Variants in ERC2 observed in about 807,000 individuals in gnomAD.
ERC2 encodes ELKS/RAB6-interacting/CAST family member 2.
ERC2 carries 42 observed loss-of-function variants against 114.8 expected under a neutral mutation model. That is an observed-to-expected ratio of 0.37 (90% confidence interval 0.29 to 0.47). The LOEUF (loss-of-function observed/expected upper bound fraction) is 0.47, where lower values mean the gene tolerates loss of function less well. Ranked by LOEUF, ERC2 falls within the 20% of genes least tolerant of loss-of-function variation. ERC2 has a pLI of 0.99. For synonymous variants in ERC2, 454 were observed against 425.5 expected, an observed-to-expected ratio of 1.07 and a Z score of -0.82; for missense variants, 939 against 1,150.7, an observed-to-expected ratio of 0.82 and a Z score of 2.66.
chr3:56,442,700 T>A (rs1054382866), intron 1 of ERC2, among the ~76,000 whole-genome samples: 2 of 152,200 alleles, frequency 1.3e-5, no homozygotes, highest in African/African-American at 4.8e-5. Flanking sequence ...AAATTAAGTA[T>A]ACAATATAGC....
intron 1 of ERC2, among the ~76,000 whole-genome samples, chr3:56,440,835 C>T (rs1273389033): frequency 6.6e-6 from 1 of 152,082 alleles, no homozygotes; most frequent in African/African-American, 2.4e-5. Flanking sequence ...TCTCCATTTC[C>T]CACTTAACAT....
intron 13 of ERC2, among the ~76,000 whole-genome samples, chr3:55,893,328 G>A (rs2063700167): frequency 6.6e-6 from 1 of 152,070 alleles, no homozygotes; most frequent in African/African-American, 2.4e-5. Context: ...CCATCCTAGA[G>A]GCATTTCCAC....
At chr3:55,735,425 A>G (rs1271161452) in intron 14 of ERC2, among the ~76,000 whole-genome samples, 1 of 152,202 alleles carries the variant, frequency 6.6e-6, no homozygotes, top group Non-Finnish European at 1.5e-5. Context: ...GTAGAAGGAC[A>G]AGTGAGCAAG....
rs56851837 is a variant in ERC2 at position 55,942,266 on chromosome 3, C to CTTTTTTTTT, written c.2403+8150_2403+8158dup. Among the ~76,000 whole-genome samples, 75 of 42,116 alleles carry CTTTTTTTTT rather than the reference C, an allele frequency of 1.8e-3. 19 individuals are homozygous for CTTTTTTTTT. Among genetic ancestry groups the CTTTTTTTTT allele is most frequent in the African/African-American group, 2.7e-3 (32 of 11,864 alleles). The allele number at this position is 42,116 out of a possible 152,430, so 27.6% of individuals were successfully genotyped here. A position where few individuals can be genotyped will look rare whatever the true frequency, so the allele number is the denominator to read the frequency against. On this transcript the variant is annotated intron_variant, in intron 13 of 17. Coordinates refer to ENST00000288221, the MANE Select transcript of ERC2 (RefSeq NM_015576.3). ...TATTAAATGAAGTCTAAGGTCCTTT[C>CTTTTTTTTT]TTTTTTTTTTTTTTTTTTTTTTTTT...
chr3:56,433,031 G>A (rs749584392), intron 2 of ERC2, among the ~76,000 whole-genome samples: 15 of 151,852 alleles, frequency 9.9e-5, no homozygotes, highest in Non-Finnish European at 1.5e-4. Flanking sequence ...AATTTTAATC[G>A]GCAGGCTGTG....
chr3:56,127,419 T>C (rs1322918662), intron 6 of ERC2, among the ~76,000 whole-genome samples: 1 of 152,182 alleles, frequency 6.6e-6, no homozygotes, highest in Admixed American at 6.5e-5. Context: ...CTTCAAAGTA[T>C]ACTATAAAGC....
At chr3:56,327,196 C>T (rs775267741) in intron 2 of ERC2, among the ~76,000 whole-genome samples, 1 of 152,226 alleles carries the variant, frequency 6.6e-6, no homozygotes, top group Non-Finnish European at 1.5e-5. Flanking sequence ...GATTGACTCA[C>T]AGTTTAGCAT....
intron 14 of ERC2, among the ~76,000 whole-genome samples, chr3:55,885,539 A>G (rs189458217): frequency 1.1e-3 from 162 of 152,318 alleles, no homozygotes; most frequent in Non-Finnish European, 2.0e-3. Flanking sequence ...TTTTGTATTT[A>G]TTTTGCAGTG....
At chr3:55,602,367 C>T (rs147990867) in intron 17 of ERC2, among the ~76,000 whole-genome samples, 2 of 152,326 alleles carry the variant, frequency 1.3e-5, no homozygotes, top group Non-Finnish European at 2.9e-5. Flanking sequence ...TGAATGTCCA[C>T]TGCAGGCAGC....
At chr3:55,783,807 TC>T (rs1266769238) in intron 14 of ERC2, among the ~76,000 whole-genome samples, 1 of 152,054 alleles carries the variant, frequency 6.6e-6, no homozygotes, top group Non-Finnish European at 1.5e-5. Context: ...CAAGGCAAGG[TC>T]CCAACACTGA....
chr3:55,754,100 A>G (rs1004322798), intron 14 of ERC2, among the ~76,000 whole-genome samples: 1 of 152,198 alleles, frequency 6.6e-6, no homozygotes. Flanking sequence ...TACCATTACT[A>G]TGAGTGTGGT....
chr3:56,200,407 C>A (rs1302969396), intron 3 of ERC2, among the ~76,000 whole-genome samples: 1 of 151,906 alleles, frequency 6.6e-6, no homozygotes, highest in East Asian at 1.9e-4. Flanking sequence ...TTCCTCCCAG[C>A]TCTAACAAGT....
intron 7 of ERC2, among the ~76,000 whole-genome samples, chr3:56,028,589 A>G (rs2074188816): frequency 1.3e-5 from 2 of 152,182 alleles, no homozygotes; most frequent in Admixed American, 6.5e-5. Context: ...TTTTAATTTT[A>G]TCAATAGCTT....
intron 3 of ERC2, among the ~76,000 whole-genome samples, chr3:56,191,931 A>G (rs565924583): frequency 6.6e-6 from 1 of 152,262 alleles, no homozygotes; most frequent in Admixed American, 6.5e-5. Flanking sequence ...TTTTATTTGC[A>G]TTAGAACACT....
intron 17 of ERC2, among the ~76,000 whole-genome samples, chr3:55,682,674 T>C (rs1323795997): frequency 6.6e-6 from 1 of 152,196 alleles, no homozygotes; most frequent in Non-Finnish European, 1.5e-5. Context: ...TCCCAAAGAA[T>C]TGTCCCACAC....
chr3:55,968,014 T>C (rs895678636), intron 12 of ERC2, among the ~76,000 whole-genome samples: 3 of 152,228 alleles, frequency 2.0e-5, no homozygotes, highest in Admixed American at 6.5e-5. Flanking sequence ...CTGTGGTATA[T>C]ATAGCACCAC....
intron 8 of ERC2, among the ~76,000 whole-genome samples, chr3:56,012,389 G>C (rs148609647): frequency 7.2e-5 from 11 of 152,098 alleles, no homozygotes; most frequent in Non-Finnish European, 1.0e-4. Context: ...ATTCCCACTC[G>C]GCAGCCTTCA....
intron 12 of ERC2, among the ~76,000 whole-genome samples, chr3:55,981,724 C>T (rs914327397): frequency 2.6e-5 from 4 of 152,192 alleles, no homozygotes; most frequent in Non-Finnish European, 5.9e-5. Flanking sequence ...CTTGAACTTA[C>T]AAGCATTCGA....
At chr3:56,252,757 CAAAA>C (rs71099628) in intron 3 of ERC2, among the ~76,000 whole-genome samples, 1 of 74,192 alleles carries the variant, frequency 1.3e-5, no homozygotes, top group East Asian at 4.2e-4. Context: ...AACTCTGTCT[CAAAA>C]AAAAAAAAAA....
Sources: gnomAD v4.1 joint callset for allele counts (sites outside exome capture counted in the v4.1 genomes callset) on GRCh38, gnomAD v4.1.1 for gene constraint, MANE v1.5 for transcripts, NCBI Gene and HGNC (gene_info 2026-07-23, HGNC 2026-07-21) for gene names.